Variants in MCOLN2 observed in about 807,000 individuals in gnomAD.
MCOLN2 encodes the protein mucolipin-2.
In MCOLN2, 57 loss-of-function variants were observed where a neutral mutation model predicts 67.5. That is an observed-to-expected ratio of 0.84 (90% CI 0.68 to 1.05). MCOLN2 has a LOEUF of 1.05. MCOLN2 is among the 50% of genes least tolerant of loss of function. MCOLN2 has a pLI of 0.00. For synonymous variants in MCOLN2, 246 were observed against 233.3 expected (o/e 1.05, Z -0.50); for missense variants, 620 against 678.8 (o/e 0.91, Z 0.96).
At chr1:84,986,223 A>C (rs532375021) in intron 1 of MCOLN2, among the ~76,000 whole-genome samples, 1 of 152,316 alleles carries the variant, frequency 6.6e-6, no homozygotes, top group Admixed American at 6.5e-5. Flanking sequence ...ATGGTGCTGG[A>C]ATAATTGGCA....
chr1:84,938,175 G>C (rs1647543864), intron 9 of MCOLN2, 93 bp from the exon 10 acceptor site: 1 of 788,590 alleles, frequency 1.3e-6, no homozygotes, highest in African/African-American at 1.8e-5. Context: ...AATAAAAAAA[G>C]AACTATCTGC....
In MCOLN2 at chr1:84,958,735, T is replaced by C. The variant is rs539701255; in HGVS notation, c.238-33A>G. On this transcript the variant is annotated intron_variant, in intron 2 of 13. Coordinates refer to ENST00000370608, the MANE Select transcript of MCOLN2 (RefSeq NM_153259.4). ...ATAAAATAAAATAGAAACACATGAATTACACCATTTATCAGGGGAGGCAAA... is the reference window on the plus strand; with the variant it reads ...ATAAAATAAAATAGAAACACATGAACTACACCATTTATCAGGGGAGGCAAA... 11 of 1,475,152 alleles carry C rather than the reference T, an allele frequency of 7.5e-6. No individual in the cohort carries two copies. In the African/African-American group the frequency reaches 1.1e-4, roughly 15 times the overall value. The allele number at this position is 1,475,152 out of a possible 1,614,324, so 91.4% of individuals were successfully genotyped here.
chr1:84,962,204 C>T (rs1649124047), intron 2 of MCOLN2, among the ~76,000 whole-genome samples: 1 of 152,104 alleles, frequency 6.6e-6, no homozygotes, highest in South Asian at 2.1e-4. Flanking sequence ...CAGGGTATGC[C>T]CACATGAAAA....
intron 2 of MCOLN2, among the ~76,000 whole-genome samples, chr1:84,959,491 C>T (rs192337310): frequency 6.6e-6 from 1 of 152,104 alleles, no homozygotes; most frequent in South Asian, 2.1e-4. Flanking sequence ...TAGTCAGCAC[C>T]AAAAGTTTAC....
In MCOLN2 at chr1:84,940,888, C is replaced by A; in HGVS notation, c.951G>T (p.Arg317Ser). ...LCTRSIVLAL[R>S]LRKRFLNFFL... ...GCGAACACACTCTTACCTTCCGTAA[C>A]CTTAGAGCAAGAACAATGGATCTTG... The change falls in exon 8 of 14, where the codon AGG becomes AGT. Residue 317 changes from arginine (R) to serine (S), a missense_variant. Physicochemically the swap from Arg to Ser is moderately radical, Grantham distance 110. Coordinates refer to ENST00000370608, the MANE Select transcript of MCOLN2 (RefSeq NM_153259.4). The A allele has an allele frequency of 6.2e-7, 1 of 1,611,248 alleles. No homozygotes were observed. Among genetic ancestry groups the A allele is most frequent in the Non-Finnish European group, 8.5e-7 (1 of 1,178,230 alleles).
chr1:84,940,857 G>A, intron 8 of MCOLN2, 22 bp downstream of exon 8: 1 of 1,543,032 alleles, frequency 6.5e-7, no homozygotes, highest in Non-Finnish European at 8.9e-7. Flanking sequence ...AGGGCAGGAA[G>A]AGAATGCGAA....
chr1:84,970,780 A>G (rs1479135448), intron 1 of MCOLN2, among the ~76,000 whole-genome samples: 1 of 152,234 alleles, frequency 6.6e-6, no homozygotes, highest in African/African-American at 2.4e-5. Context: ...AGATAAAAGA[A>G]TGATACAATG....
intron 8 of MCOLN2, among the ~76,000 whole-genome samples, chr1:84,940,358 T>C (rs936046952): frequency 6.6e-6 from 1 of 152,120 alleles, no homozygotes; most frequent in African/African-American, 2.4e-5. Context: ...GAATAAGATA[T>C]GTGGGGAGCG....
chr1:84,938,142 A>G lies in MCOLN2; in HGVS notation c.1111-60T>C, dbSNP rs983784676. The G allele has an allele frequency of 1.6e-5, 20 of 1,242,800 alleles. No individual in the cohort carries two copies. The South Asian group carries it at 2.7e-4, about 17-fold the overall frequency. 77.0% of individuals were successfully genotyped at this position (1,242,800 alleles called of 1,614,324 possible). ...TAAAATATTTGACTCCACTTAGCTT[A>G]TTAGCCTTACATTAAACCAATTAAT... On this transcript the variant is annotated intron_variant, in intron 9 of 13. Transcript: ENST00000370608.
intron 6 of MCOLN2, 118 bp from the exon 7 acceptor site, chr1:84,947,250 C>G (rs1648164323): frequency 1.3e-5 from 8 of 638,822 alleles, no homozygotes; most frequent in Middle Eastern, 3.0e-4. Flanking sequence ...GAGAATTACA[C>G]AGGCCAGCAA....
intron 1 of MCOLN2, among the ~76,000 whole-genome samples, chr1:84,970,590 C>T (rs531976271): frequency 1.1e-3 from 161 of 151,904 alleles, no homozygotes; most frequent in Non-Finnish European, 2.0e-3. Context: ...AGCTGAGACA[C>T]GAGAATAGCT....
rs1430723937 is a variant in MCOLN2 at position 84,941,358 on chromosome 1, G to T, written c.848-367C>A. On this transcript the variant is annotated intron_variant, in intron 7 of 13. Transcript: ENST00000370608. ...AAAAATACAAAAAAATTAGCCAGGTGTGGTGGCAGGCGCCTGTAGTCCCAG... is the reference window on the plus strand; with the variant it reads ...AAAAATACAAAAAAATTAGCCAGGTTTGGTGGCAGGCGCCTGTAGTCCCAG... 2.0e-5 allele frequency among the ~76,000 whole-genome samples: 3 copies of T among 152,118 alleles called. No individual in the cohort carries two copies. The East Asian group carries it at 5.8e-4, about 29-fold the overall frequency.
intron 7 of MCOLN2, 46 bp from the exon 8 acceptor site, chr1:84,941,037 G>T: frequency 1.6e-6 from 2 of 1,264,918 alleles, no homozygotes; most frequent in South Asian, 1.3e-5. Flanking sequence ...CCTTACCGGA[G>T]AATAATTTCC....
At chr1:84,926,763 A>G (rs772627598) in intron 13 of MCOLN2, 42 bp from the exon 14 acceptor site, 2 of 1,492,882 alleles carry the variant, frequency 1.3e-6, no homozygotes, top group East Asian at 2.3e-5. Context: ...AAGATACAAT[A>G]CTTTAACATC....
chr1:84,997,109 T>A lies in MCOLN2; in HGVS notation c.-237A>T. The A allele has an allele frequency of 1.8e-6, 1 of 548,716 alleles. No individual in the cohort carries two copies. The highest frequency in any genetic ancestry group is 3.2e-6 in the Non-Finnish European group (1 of 310,568). 34.0% of individuals were successfully genotyped at this position (548,716 alleles called of 1,614,324 possible). ...TTCTCGGGCGGCTGAAAGGCGGCTC[T>A]GTGTGCACCCTGCAGGATGCGGCGC... On this transcript the variant is annotated 5_prime_UTR_variant, in exon 1 of 14. Transcript: ENST00000370608.
Position 84,926,609 on chromosome 1 carries a change from T to C in MCOLN2, c.*76A>G. 9.0e-7 allele frequency: 1 copy of C among 1,116,640 alleles called. No homozygotes were observed. Among genetic ancestry groups the C allele is most frequent in the East Asian group, 2.6e-5 (1 of 38,570 alleles). 69.2% of individuals were successfully genotyped at this position (1,116,640 alleles called of 1,614,324 possible). ...ATAAGAGAGTCATTTTGGAACTGCT[T>C]GTCCAAGTCATTTGGGGTTCCTCTG... is the stretch of plus-strand genomic sequence containing the variant. On this transcript the variant is annotated 3_prime_UTR_variant, in exon 14 of 14. Transcript: ENST00000370608.
At chr1:84,984,249 ATTAAC>A (rs1347152615) in intron 1 of MCOLN2, among the ~76,000 whole-genome samples, 3 of 152,190 alleles carry the variant, frequency 2.0e-5, no homozygotes, top group Non-Finnish European at 2.9e-5. Flanking sequence ...TTTTCCTGGA[ATTAAC>A]TGCCCTTTTC....
Position 84,939,629 on chromosome 1 carries a change from C to A in MCOLN2, c.1034G>T (p.Gly345Val), listed in dbSNP as rs1355532301. The change falls in exon 9 of 14, where the codon GGC (glycine) becomes GTC (valine). Residue 345 changes from glycine (G) to valine (V), a missense_variant. By Grantham distance (109) the Gly-to-Val change is moderately radical (BLOSUM62 -3). Coordinates refer to ENST00000370608, the MANE Select transcript of MCOLN2 (RefSeq NM_153259.4). Reference sequence around the variant, plus strand: ...GCTGATAATCACCAGGACATACCAGCCGTTGATGAACTCCCACTGGTCGGT... The same window carrying A: ...GCTGATAATCACCAGGACATACCAGACGTTGATGAACTCCCACTGGTCGGT... Reference protein sequence around the residue: ...CDTDQWEFINGWYVLVIISDL... With the variant: ...CDTDQWEFINVWYVLVIISDL... The A allele has an allele frequency of 6.2e-7, 1 of 1,613,890 alleles. No individual in the cohort carries two copies. Among genetic ancestry groups the A allele is most frequent in the African/African-American group, 1.3e-5 (1 of 74,920 alleles).
At chr1:84,987,548 G>GTATATA (rs1650640099) in intron 1 of MCOLN2, among the ~76,000 whole-genome samples, 3 of 71,654 alleles carry the variant, frequency 4.2e-5, no homozygotes, top group African/African-American at 1.4e-4. Flanking sequence ...ATACATAGAT[G>GTATATA]TATACATCTA....
Sources: allele counts gnomAD v4.1 joint callset (sites outside exome capture counted in the v4.1 genomes callset), GRCh38; gene constraint gnomAD v4.1.1; transcripts MANE v1.5; gene names NCBI Gene and HGNC (gene_info 2026-07-23, HGNC 2026-07-21).